The following AHRR variants were observed in gnomAD, a reference collection of about 807,000 sequenced individuals.
The protein encoded by AHRR is ahR repressor.
Under a neutral mutation model 44.0 loss-of-function variants are expected in AHRR, and 28 were observed. That is an observed-to-expected ratio of 0.64 (90% CI 0.47 to 0.87). AHRR has a LOEUF of 0.87. Ranked by LOEUF, AHRR falls within the 40% of genes least tolerant of loss-of-function variation. The pLI is 0.00. For missense variants in AHRR, 990 were observed against 953.9 expected (o/e 1.04, Z -0.50); for synonymous variants, 434 against 407.0 (o/e 1.07, Z -0.80).
At chr5:397,847 CAT>C (rs1734807833) in intron 4 of AHRR, among the ~76,000 whole-genome samples, 1 of 91,060 alleles carries the variant, frequency 1.1e-5, no homozygotes, top group Non-Finnish European at 2.2e-5. Context: ...AGCCCCTGAC[CAT>C]GTTAGCCCCT....
At chr5:427,778 C>T (rs759100906) in intron 7 of AHRR, 29 bp from the exon 8 acceptor site, 15 of 1,612,434 alleles carry the variant, frequency 9.3e-6, no homozygotes, top group East Asian at 6.7e-5. Context: ...TTGGTGAACA[C>T]GCCTTCCTCT....
Position 436,761 on chromosome 5 carries a change from A to T in AHRR, c.*1927A>T, listed in dbSNP as rs1737097600. ...TCTGATGCCTAAAGTCACGATGGGGACAGAGCTACCCAGGGGCCAGCCATG... is the reference window on the plus strand; with the variant it reads ...TCTGATGCCTAAAGTCACGATGGGGTCAGAGCTACCCAGGGGCCAGCCATG... On this transcript the variant is annotated 3_prime_UTR_variant, in exon 11 of 11. Coordinates refer to ENST00000684583, the MANE Select transcript of AHRR (RefSeq NM_001377236.1). The T allele has an allele frequency of 6.6e-6, 1 of 152,458 alleles. No homozygotes were observed. Among genetic ancestry groups the T allele is most frequent in the Non-Finnish European group, 1.5e-5 (1 of 68,152 alleles). 9.4% of individuals were successfully genotyped at this position (152,458 alleles called of 1,614,324 possible).
rs937185245 is a variant in AHRR, at chr5:436,389, A to G, written c.*1555A>G. 1.3e-5 allele frequency: 2 copies of G among 152,332 alleles called. No homozygotes were observed. The highest frequency in any genetic ancestry group is 4.8e-5 in the African/African-American group (2 of 41,428). The allele number at this position is 152,332 out of a possible 1,614,324, so 9.4% of individuals were successfully genotyped here. On this transcript the variant is annotated 3_prime_UTR_variant, in exon 11 of 11. Coordinates refer to ENST00000684583, the MANE Select transcript of AHRR (RefSeq NM_001377236.1). The stretch of plus-strand genomic sequence containing the variant: ...TAGATGCTGGTTTAATGCTGGACCC[A>G]TTTGTTAAACGCACCTTCACTTTGT...
At chr5:392,256 G>C (rs1250263762) in intron 4 of AHRR, among the ~76,000 whole-genome samples, 1 of 81,646 alleles carries the variant, frequency 1.2e-5, no homozygotes, top group East Asian at 4.2e-4. Context: ...GGGCGAGGCA[G>C]GGCCAGAGCG....
rs1404610131 is a variant in AHRR, at chr5:406,520, T to C, written c.352-6824T>C. On this transcript the variant is annotated intron_variant, in intron 4 of 10. Coordinates refer to ENST00000684583, the MANE Select transcript of AHRR (RefSeq NM_001377236.1). This position sits in a 1 kb window ranked among gnomAD's most constrained non-coding sequence, Gnocchi z 4.7. ...ATCAGGTGGCTGGTCCACTTGTTCT[T>C]AGAAGGAAATTTCAGGAAAACGTTA... Among the ~76,000 whole-genome samples the C allele has an allele frequency of 3.3e-5, 5 of 152,186 alleles. No individual in the cohort carries two copies.
chr5:323,395 A>C (rs780239546), intron 1 of AHRR, among the ~76,000 whole-genome samples: 1 of 152,168 alleles, frequency 6.6e-6, no homozygotes, highest in Non-Finnish European at 1.5e-5. Context: ...ACTGAGACAC[A>C]CTTCCCTGCC....
In AHRR at chr5:343,455, G is replaced by A. The variant is rs566144379; in HGVS notation, c.-10-438G>A. 85 of 200,962 alleles carry A rather than the reference G, an allele frequency of 4.2e-4. No homozygotes were observed. In the East Asian group the frequency reaches 0.01, roughly 24 times the overall value. The allele number at this position is 200,962 out of a possible 1,614,324, so 12.4% of individuals were successfully genotyped here. ...GGGGGTGACGGGAACACGGGACCCC[G>A]CGTACCTTCTCGGGGGTGACGGGAA... On this transcript the variant is annotated intron_variant, in intron 1 of 10. Coordinates refer to ENST00000684583, the MANE Select transcript of AHRR (RefSeq NM_001377236.1).
intron 1 of AHRR, among the ~76,000 whole-genome samples, chr5:341,645 C>A (rs962609129): frequency 6.6e-6 from 1 of 151,866 alleles, no homozygotes; most frequent in African/African-American, 2.4e-5. Context: ...CCTCAGTCTC[C>A]AGAGTAGCTG....
rs537639221 is a variant in AHRR at position 332,310 on chromosome 5, C to T, written c.-11+10491C>T. Among the ~76,000 whole-genome samples the T allele has an allele frequency of 2.0e-5, 3 of 148,248 alleles. No homozygotes were observed. The South Asian group carries it at 6.4e-4, about 32-fold the overall frequency. ...TAAGGCAGAGTCTCACTCTGTTGCCCAGGCTGGAGTGCAGTGGCATGATCT... is the reference window on the plus strand; with the variant it reads ...TAAGGCAGAGTCTCACTCTGTTGCCTAGGCTGGAGTGCAGTGGCATGATCT... On this transcript the variant is annotated intron_variant, in intron 1 of 10. Transcript: ENST00000684583.
intron 4 of AHRR, among the ~76,000 whole-genome samples, chr5:412,715 C>CTTTTTTTT (rs11285209): frequency 1.0e-5 from 1 of 96,952 alleles, no homozygotes; most frequent in African/African-American, 3.8e-5. Flanking sequence ...CTCTCTCTCT[C>CTTTTTTTT]TTTTTTTTTT....
At chr5:384,010 A>G (rs1734081598) in intron 4 of AHRR, among the ~76,000 whole-genome samples, 1 of 151,820 alleles carries the variant, frequency 6.6e-6, no homozygotes, top group Admixed American at 6.6e-5. Context: ...AAGTCTGACA[A>G]TCTCTGTCTT....
intron 1 of AHRR, among the ~76,000 whole-genome samples, chr5:328,206 C>T (rs546288499): frequency 7.9e-5 from 12 of 151,246 alleles, no homozygotes; most frequent in South Asian, 2.1e-4. Flanking sequence ...TTTACATTCC[C>T]GCCAATAGTG....
At chr5:413,501 T>C (rs1475306940) in intron 5 of AHRR, 68 bp downstream of exon 5, 4 of 1,253,118 alleles carry the variant, frequency 3.2e-6, no homozygotes, top group Non-Finnish European at 3.5e-6. Context: ...TAAATGTTTG[T>C]TGTCGTCAAG....
chr5:378,646 T>G (rs1428379605), intron 4 of AHRR, among the ~76,000 whole-genome samples: 1 of 151,190 alleles, frequency 6.6e-6, no homozygotes, highest in Non-Finnish European at 1.5e-5. Context: ...GATGGAGGAG[T>G]GGGGAGAGGT....
At chr5:340,688 A>ATATATATATATATATATATATATATATTT (rs1269938749) in intron 1 of AHRR, among the ~76,000 whole-genome samples, 1 of 12,926 alleles carries the variant, frequency 7.7e-5, no homozygotes, top group Non-Finnish European at 1.3e-4. Context: ...ATATATATAT[A>ATATATATATATATATATATATATATATTT]TTTTTTTTTT....
At chr5:349,857 TGA>T (rs1490818355) in intron 2 of AHRR, among the ~76,000 whole-genome samples, 1 of 152,260 alleles carries the variant, frequency 6.6e-6, no homozygotes, top group Non-Finnish European at 1.5e-5. Flanking sequence ...CACAATTTAT[TGA>T]AAAGATTTTC....
At chr5:329,274 C>CT (rs1741833893) in intron 1 of AHRR, among the ~76,000 whole-genome samples, 1 of 152,204 alleles carries the variant, frequency 6.6e-6, no homozygotes, top group Non-Finnish European at 1.5e-5. Context: ...GCATAGCTCA[C>CT]TGCAACCTCG....
intron 4 of AHRR, among the ~76,000 whole-genome samples, chr5:399,967 G>T (rs930077377): frequency 6.6e-6 from 1 of 152,232 alleles, no homozygotes; most frequent in Non-Finnish European, 1.5e-5. Flanking sequence ...GCGCTGCCTC[G>T]CACGCACGCA....
intron 3 of AHRR, among the ~76,000 whole-genome samples, chr5:373,895 T>A (rs1324020209): frequency 1.3e-5 from 2 of 150,520 alleles, no homozygotes; most frequent in South Asian, 4.2e-4. Context: ...GCTGGCCCCA[T>A]CGCGTGACGG....
Sources: gnomAD v4.1 joint callset for allele counts (sites outside exome capture counted in the v4.1 genomes callset) on GRCh38, gnomAD v4.1.1 for gene constraint, Gnocchi (gnomAD v3.1) non-coding constraint, MANE v1.5 for transcripts, NCBI Gene and HGNC (gene_info 2026-07-23, HGNC 2026-07-21) for gene names.